Variants in AGAP1 observed in about 807,000 individuals in gnomAD.
AGAP1 encodes ArfGAP with GTPase domain, ankyrin repeat and PH domain 1.
In AGAP1, 29 loss-of-function variants were observed where a neutral mutation model predicts 105.3. That is an observed-to-expected ratio of 0.28 (90% CI 0.21 to 0.38). The LOEUF is 0.38. AGAP1 is among the 10% of genes least tolerant of loss of function. The pLI, the probability that AGAP1 is intolerant of heterozygous loss-of-function variation, is 1.00. For synonymous variants in AGAP1, 509 were observed against 485.9 expected, an observed-to-expected ratio of 1.05 and a Z score of -0.63; for missense variants, 998 against 1,165.1, an observed-to-expected ratio of 0.86 and a Z score of 2.09.
chr2:235,885,372 TA>T (rs2050226360), intron 10 of AGAP1, among the ~76,000 whole-genome samples: 1 of 152,234 alleles, frequency 6.6e-6, no homozygotes. Flanking sequence ...CCTTGGCAGA[TA>T]AATTTACTTT....
At chr2:235,884,463 T>TGTTTG (rs1559605548) in intron 10 of AGAP1, among the ~76,000 whole-genome samples, 2,015 of 150,150 alleles carry the variant, frequency 0.013, 36 homozygotes, top group African/African-American at 0.044. Flanking sequence ...TTTTTTTTTT[T>TGTTTG]TTTTTTGAGA....
intron 13 of AGAP1, among the ~76,000 whole-genome samples, chr2:235,986,595 A>C (rs1248738937): frequency 6.6e-6 from 1 of 152,136 alleles, no homozygotes; most frequent in African/African-American, 2.4e-5. Context: ...TAAATATGAT[A>C]TTGCCTGTGG....
intron 16 of AGAP1, among the ~76,000 whole-genome samples, chr2:236,098,427 G>C (rs779357205): frequency 2.0e-5 from 3 of 151,860 alleles, no homozygotes; most frequent in Non-Finnish European, 4.4e-5. Flanking sequence ...AAAATCAGCC[G>C]GGCATGGTGG....
Position 235,609,502 on chromosome 2 carries a change from A to G in AGAP1, c.164-99677A>G, listed in dbSNP as rs1351005700. Among the ~76,000 whole-genome samples the G allele has an allele frequency of 6.6e-6, 1 of 151,984 alleles. No homozygotes were observed. The highest frequency in any genetic ancestry group is 2.4e-5 in the African/African-American group (1 of 41,372). ...GAAGAAGTGCGAGAGGGAGTGGGGA[A>G]GGCAGGCTGGGCGTGCTGTGGTTAT... On this transcript the variant is annotated intron_variant, in intron 1 of 17. Coordinates refer to ENST00000304032, the MANE Select transcript of AGAP1 (RefSeq NM_001037131.3). This position sits in a 1 kb window ranked among gnomAD's most constrained non-coding sequence, Gnocchi z 5.1.
chr2:235,821,620 C>T (rs1039460408), intron 9 of AGAP1, among the ~76,000 whole-genome samples: 11 of 152,160 alleles, frequency 7.2e-5, no homozygotes, highest in Non-Finnish European at 1.3e-4. Context: ...ATACCCTTCA[C>T]CCAGCTTCCT....
intron 3 of AGAP1, among the ~76,000 whole-genome samples, chr2:235,738,880 C>T (rs1336965470): frequency 6.6e-6 from 1 of 152,094 alleles, no homozygotes; most frequent in Non-Finnish European, 1.5e-5. Context: ...TTTCTTAAAA[C>T]AGTCAAATTC....
At position 235,891,878 on chromosome 2, in the gene AGAP1, G is replaced by T. The variant is rs1160894128; in HGVS notation, c.1155+8429G>T. ...TTTTAAAAAACCTCCTTCTGGCCAG[G>T]TGTGGTGGCTCACACCTGTAATCCC... On this transcript the variant is annotated intron_variant, in intron 10 of 17. Transcript: ENST00000304032. This position sits in a 1 kb window ranked among gnomAD's most constrained non-coding sequence, Gnocchi z 4.2. 6.6e-5 allele frequency among the ~76,000 whole-genome samples: 10 copies of T among 152,162 alleles called. No homozygotes were observed. In the East Asian group the frequency reaches 1.9e-3, roughly 29 times the overall value.
At chr2:235,573,529 A>G (rs1008987757) in intron 1 of AGAP1, among the ~76,000 whole-genome samples, 1 of 151,934 alleles carries the variant, frequency 6.6e-6, no homozygotes, top group Non-Finnish European at 1.5e-5. Context: ...CAGTGTGTAT[A>G]ATGTTTAATC....
rs1330141838 is a variant in AGAP1, at chr2:235,494,718, C to T, written c.32C>T (p.Ala11Val). 6.4e-7 allele frequency: 1 copy of T among 1,556,808 alleles called. No individual in the cohort carries two copies. Among genetic ancestry groups the T allele is most frequent in the East Asian group, 2.6e-5 (1 of 37,990 alleles). MNYQQQLANS[A>V]AIRAEIQRFE... ...TACCAGCAGCAGCTGGCCAACTCGG[C>T]TGCCATCCGGGCCGAGATCCAGCGC... Residue 11 changes from alanine to valine, a missense_variant, in exon 1 of 18, where the codon GCT (alanine) becomes GTT (valine). By Grantham distance (64) the Ala-to-Val change is moderately conservative. Around this residue, in one of 3 missense-constraint regions of AGAP1, gnomAD observed 735 missense variants for 833.4 expected, o/e 0.88. Transcript: ENST00000304032.
At chr2:235,685,833 A>C (rs1245885553) in intron 1 of AGAP1, among the ~76,000 whole-genome samples, 1 of 152,100 alleles carries the variant, frequency 6.6e-6, no homozygotes, top group Non-Finnish European at 1.5e-5. Context: ...ATCTAACAAC[A>C]TGTGCCCGAG....
At chr2:235,562,625 C>G (rs901264988) in intron 1 of AGAP1, among the ~76,000 whole-genome samples, 1 of 152,194 alleles carries the variant, frequency 6.6e-6, no homozygotes, top group Admixed American at 6.5e-5. Context: ...CTCCACATGC[C>G]TTCTTTTGTG....
chr2:235,582,530 G>A lies in AGAP1; in HGVS notation c.163+87681G>A, dbSNP rs1944968627. Among the ~76,000 whole-genome samples the A allele has an allele frequency of 1.3e-5, 2 of 152,336 alleles. No homozygotes were observed. The highest frequency in any genetic ancestry group is 3.9e-4 in the East Asian group (2 of 5,182). ...TGGTTGGTCATGCGTGTAATTATGT[G>A]TTGAGGTTTGGTGCCTTGAGATTAA... On this transcript the variant is annotated intron_variant, in intron 1 of 17. Coordinates refer to ENST00000304032, the MANE Select transcript of AGAP1 (RefSeq NM_001037131.3). The surrounding 1 kb of genome is among the most constrained non-coding windows in gnomAD (Gnocchi z 4.7).
chr2:235,942,877 G>A (rs1181379369), intron 12 of AGAP1, among the ~76,000 whole-genome samples: 2 of 151,990 alleles, frequency 1.3e-5, no homozygotes, highest in African/African-American at 4.8e-5. Flanking sequence ...AAAAAGATTT[G>A]TCAATTTGAG....
At chr2:235,588,556 T>A (rs773151220) in intron 1 of AGAP1, among the ~76,000 whole-genome samples, 1 of 152,030 alleles carries the variant, frequency 6.6e-6, no homozygotes, top group Non-Finnish European at 1.5e-5. Flanking sequence ...TAAAAAAAAA[T>A]TGGGTTTTCA....
rs73996182 is a variant in AGAP1, at chr2:235,586,149, C to T, written c.163+91300C>T. ...AAGCAGTAAATGTAAGGATTTAGGTCGGCCATTGTCTCCGTGTAAGTCAAC... is the reference window on the plus strand; with the variant it reads ...AAGCAGTAAATGTAAGGATTTAGGTTGGCCATTGTCTCCGTGTAAGTCAAC... On this transcript the variant is annotated intron_variant, in intron 1 of 17. Coordinates refer to ENST00000304032, the MANE Select transcript of AGAP1 (RefSeq NM_001037131.3). The surrounding 1 kb of genome is among the most constrained non-coding windows in gnomAD (Gnocchi z 4.2). Among the ~76,000 whole-genome samples, 1,942 of 152,192 alleles carry T rather than the reference C, an allele frequency of 0.013. 42 individuals are homozygous for T. The highest frequency in any genetic ancestry group is 0.044 in the African/African-American group (1,811 of 41,518).
At chr2:235,884,236 G>C (rs1042072212) in intron 10 of AGAP1, among the ~76,000 whole-genome samples, 1 of 152,056 alleles carries the variant, frequency 6.6e-6, no homozygotes, top group Non-Finnish European at 1.5e-5. Flanking sequence ...TGGATTCTGG[G>C]ATCTGCCTTG....
At chr2:235,743,930 A>T (rs1020356628) in intron 4 of AGAP1, among the ~76,000 whole-genome samples, 6 of 152,206 alleles carry the variant, frequency 3.9e-5, no homozygotes, top group African/African-American at 1.4e-4. Flanking sequence ...CCAGTTTTCC[A>T]AGATGGCTGT....
rs534414761 is a variant in AGAP1, at chr2:235,559,998, A to G, written c.163+65149A>G. On this transcript the variant is annotated intron_variant, in intron 1 of 17. Coordinates refer to ENST00000304032, the MANE Select transcript of AGAP1 (RefSeq NM_001037131.3). The surrounding 1 kb of genome is among the most constrained non-coding windows in gnomAD (Gnocchi z 5.7). Reference sequence around the variant, plus strand: ...AAAGCTTTTAATTTTAATGAAATCTAATTTACCTGTTTTTTCTTTGATTAT... The same window carrying G: ...AAAGCTTTTAATTTTAATGAAATCTGATTTACCTGTTTTTTCTTTGATTAT... Among the ~76,000 whole-genome samples, 9 of 152,160 alleles carry G rather than the reference A, an allele frequency of 5.9e-5. No homozygotes were observed. The South Asian group carries it at 1.9e-3, about 32-fold the overall frequency.
rs559817815 is a variant in AGAP1, at chr2:235,550,422, C to T, written c.163+55573C>T. On this transcript the variant is annotated intron_variant, in intron 1 of 17. Coordinates refer to ENST00000304032, the MANE Select transcript of AGAP1 (RefSeq NM_001037131.3). This position sits in a 1 kb window ranked among gnomAD's most constrained non-coding sequence, Gnocchi z 4.6. ...CATTGGGAGTCACTGAGCATGCACA[C>T]GGGCTGTCAGGTCCTGGTCCCAGCT... 2.6e-5 allele frequency among the ~76,000 whole-genome samples: 4 copies of T among 152,346 alleles called. No individual in the cohort carries two copies. The highest frequency in any genetic ancestry group is 2.1e-4 in the South Asian group (1 of 4,828).
Sources: gnomAD v4.1 joint callset for allele counts (sites outside exome capture counted in the v4.1 genomes callset) on GRCh38, gnomAD v4.1.1 for gene constraint, gnomAD v4.1.1 regional missense constraint, Gnocchi (gnomAD v3.1) non-coding constraint, MANE v1.5 for transcripts, NCBI Gene and HGNC (gene_info 2026-07-23, HGNC 2026-07-21) for gene names.